Variants in ANKIB1 observed in about 807,000 individuals in gnomAD.
ANKIB1 encodes ankyrin repeat and IBR domain containing 1, also known as ankyrin repeat and IBR domain-containing protein 1.
ANKIB1 carries 43 observed loss-of-function variants against 122.1 expected under a neutral mutation model. That is an observed-to-expected ratio of 0.35 (90% CI 0.28 to 0.45). ANKIB1 has a LOEUF of 0.45. Among genes scored for constraint, ANKIB1 ranks in the 20% least tolerant of loss-of-function variants. The probability of loss-of-function intolerance (pLI) is 1.00; values close to 1 mark genes in which losing one functional copy is unlikely to be tolerated. For synonymous variants in ANKIB1, 390 were observed against 442.0 expected (o/e 0.88, Z 1.48); for missense variants, 992 against 1,329.5 (o/e 0.75, Z 3.95).
At chr7:92,324,460 G>T (rs746601585) in intron 4 of ANKIB1, among the ~76,000 whole-genome samples, 1 of 151,962 alleles carries the variant, frequency 6.6e-6, no homozygotes, top group Non-Finnish European at 1.5e-5. Context: ...TCTTGAACTC[G>T]TGACCTCAAG....
intron 2 of ANKIB1, among the ~76,000 whole-genome samples, chr7:92,300,700 G>A (rs1219387121): frequency 6.6e-6 from 1 of 151,968 alleles, no homozygotes; most frequent in Non-Finnish European, 1.5e-5. Context: ...TAGTTTTTCT[G>A]TGTGGCGAAA....
At chr7:92,335,014 C>T (rs779960661) in intron 5 of ANKIB1, among the ~76,000 whole-genome samples, 1 of 151,798 alleles carries the variant, frequency 6.6e-6, no homozygotes, top group Non-Finnish European at 1.5e-5. Flanking sequence ...AAGTAAAGTC[C>T]AATGTATTTT....
chr7:92,309,942 A>AAAAAAAAAAAAAAAAAATATATATATAT (rs1335765681), intron 3 of ANKIB1, among the ~76,000 whole-genome samples: 1 of 91,816 alleles, frequency 1.1e-5, no homozygotes, highest in Non-Finnish European at 2.0e-5. Flanking sequence ...AAAAAAAAAA[A>AAAAAAAAAAAAAAAAAATATATATATAT]ATATATATAT....
At chr7:92,268,209 T>C (rs1174900306) in intron 1 of ANKIB1, among the ~76,000 whole-genome samples, 2 of 152,196 alleles carry the variant, frequency 1.3e-5, no homozygotes, top group Non-Finnish European at 2.9e-5. Flanking sequence ...CTCCATTGAG[T>C]TAACTTTGTA....
At chr7:92,289,038 T>C (rs1392485048) in intron 1 of ANKIB1, among the ~76,000 whole-genome samples, 1 of 152,216 alleles carries the variant, frequency 6.6e-6, no homozygotes, top group African/African-American at 2.4e-5. Flanking sequence ...AAATTAAAAC[T>C]TAAGTTCATT....
intron 3 of ANKIB1, among the ~76,000 whole-genome samples, chr7:92,312,836 T>G (rs1802718681): frequency 6.6e-6 from 1 of 152,286 alleles, no homozygotes; most frequent in African/African-American, 2.4e-5. Flanking sequence ...CATTAAAACA[T>G]AAGTCTGACA....
chr7:92,247,716 C>T (rs1463628445), intron 1 of ANKIB1, among the ~76,000 whole-genome samples: 4 of 152,182 alleles, frequency 2.6e-5, no homozygotes, highest in Non-Finnish European at 4.4e-5. Flanking sequence ...GCATTTGCTA[C>T]TTTTCAGAGC....
At chr7:92,353,236 A>T (rs946340537) in intron 9 of ANKIB1, among the ~76,000 whole-genome samples, 1 of 152,208 alleles carries the variant, frequency 6.6e-6, no homozygotes, top group Non-Finnish European at 1.5e-5. Flanking sequence ...GCTAATGAAC[A>T]GTTCTAGTCA....
At chr7:92,252,386 C>CTTTTTT (rs34891046) in intron 1 of ANKIB1, among the ~76,000 whole-genome samples, 27 of 134,194 alleles carry the variant, frequency 2.0e-4, no homozygotes, top group African/African-American at 7.3e-4. Context: ...TAAGGTACTA[C>CTTTTTT]TTTTTTTTTT....
At chr7:92,316,743 A>AC (rs5885804) in intron 3 of ANKIB1, among the ~76,000 whole-genome samples, 15,085 of 151,730 alleles carry the variant, frequency 0.099, 948 homozygotes, top group East Asian at 0.36. Flanking sequence ...CATTTTTTTA[A>AC]CCCCCCAATG....
intron 7 of ANKIB1, chr7:92,347,809 A>G (rs1391731576): frequency 4.8e-6 from 1 of 209,742 alleles, no homozygotes; most frequent in East Asian, 1.6e-4. Flanking sequence ...TTCCTAATCT[A>G]TAAAGTGGTG....
At chr7:92,298,797 C>A (rs746420264) in intron 2 of ANKIB1, among the ~76,000 whole-genome samples, 52 of 149,414 alleles carry the variant, frequency 3.5e-4, no homozygotes, top group Admixed American at 1.5e-3. Flanking sequence ...AAGCAGTTTC[C>A]CCTAAAAAAA....
intron 17 of ANKIB1, chr7:92,396,161 G>GGGAAAAGGA: frequency 1.8e-6 from 1 of 549,472 alleles, no homozygotes; most frequent in African/African-American, 1.9e-5. Flanking sequence ...CTAGGCAATT[G>GGGAAAAGGA]TAATGACTGT....
intron 1 of ANKIB1, among the ~76,000 whole-genome samples, chr7:92,281,184 A>T (rs1240819288): frequency 1.3e-5 from 2 of 152,232 alleles, no homozygotes; most frequent in African/African-American, 4.8e-5. Context: ...GACAATGTGT[A>T]TGAAATGTAA....
intron 1 of ANKIB1, among the ~76,000 whole-genome samples, chr7:92,252,336 T>A (rs1302478847): frequency 6.6e-6 from 1 of 152,114 alleles, no homozygotes; most frequent in Non-Finnish European, 1.5e-5. Context: ...TAATATTTTT[T>A]CTGTTATTTC....
chr7:92,292,546 T>C (rs1802271187), intron 1 of ANKIB1, among the ~76,000 whole-genome samples: 1 of 152,186 alleles, frequency 6.6e-6, no homozygotes, highest in South Asian at 2.1e-4. Flanking sequence ...TCCAGAACTT[T>C]GGAAATGTTT....
At chr7:92,263,639 A>G (rs1480285068) in intron 1 of ANKIB1, among the ~76,000 whole-genome samples, 1 of 152,208 alleles carries the variant, frequency 6.6e-6, no homozygotes, top group African/African-American at 2.4e-5. Context: ...CTCAAGTTTC[A>G]TACTTTTGTT....
chr7:92,298,318 C>T (rs1054907922), intron 2 of ANKIB1, among the ~76,000 whole-genome samples: 1 of 151,520 alleles, frequency 6.6e-6, no homozygotes, highest in African/African-American at 2.4e-5. Flanking sequence ...TTGGATACTT[C>T]AGTAATATTT....
chr7:92,342,608 G>C (rs569910844), intron 5 of ANKIB1, among the ~76,000 whole-genome samples: 2 of 152,230 alleles, frequency 1.3e-5, no homozygotes, highest in Non-Finnish European at 2.9e-5. Flanking sequence ...CATATCTATA[G>C]TGAACTATGT....
Sources: allele counts gnomAD v4.1 joint callset (sites outside exome capture counted in the v4.1 genomes callset), GRCh38; gene constraint gnomAD v4.1.1; transcripts MANE v1.5; gene names NCBI Gene and HGNC (gene_info 2026-07-23, HGNC 2026-07-21).